Variants in DIP2C observed in about 807,000 individuals in gnomAD.
DIP2C encodes the protein disco-interacting protein 2 homolog C.
DIP2C carries 33 observed loss-of-function variants against 192.4 expected under a neutral mutation model. The ratio of observed to expected loss-of-function variants is 0.17; its 90% confidence interval spans 0.13 to 0.23. DIP2C has a LOEUF of 0.23. Ranked by LOEUF, DIP2C falls within the 10% of genes least tolerant of loss-of-function variation. The pLI, the probability that DIP2C is intolerant of heterozygous loss-of-function variation, is 1.00. For synonymous variants in DIP2C, 979 were observed against 864.1 expected, an observed-to-expected ratio of 1.13 and a Z score of -2.33; for missense variants, 1,537 against 2,110.1, an observed-to-expected ratio of 0.73 and a Z score of 5.32.
chr10:582,329 C>T (rs1405108645), intron 1 of DIP2C, among the ~76,000 whole-genome samples: 1 of 152,224 alleles, frequency 6.6e-6, no homozygotes, highest in South Asian at 2.1e-4. Flanking sequence ...GCACCCAACC[C>T]AAATACAGAG....
Position 525,454 on chromosome 10 carries a change from AAAC to A in DIP2C, c.86-38927_86-38925del, listed in dbSNP as rs376445557. ...AACACAGTACAGATACTAATTAGTA[AAAC>A]AACAGCAAAGTCTACGGCACTTCTC... On this transcript the variant is annotated intron_variant, in intron 1 of 36. Transcript: ENST00000280886. Among the ~76,000 whole-genome samples, 176 of 152,370 alleles carry A rather than the reference AAAC, an allele frequency of 1.2e-3. 1 individual carries two copies. The East Asian group carries it at 0.027, about 23-fold the overall frequency.
chr10:362,744 C>T (rs536138008), intron 21 of DIP2C, 53 bp from the exon 22 acceptor site: 58 of 1,531,526 alleles, frequency 3.8e-5, no homozygotes, highest in African/African-American at 4.1e-5. Context: ...ATAAACAGTA[C>T]GTATTTATAT....
At chr10:505,234 A>G (rs564137979) in intron 1 of DIP2C, among the ~76,000 whole-genome samples, 1 of 152,324 alleles carries the variant, frequency 6.6e-6, no homozygotes, top group East Asian at 1.9e-4. Flanking sequence ...TCATCAACAC[A>G]GAGTCACTAA....
intron 10 of DIP2C, among the ~76,000 whole-genome samples, chr10:391,982 C>G (rs1255634350): frequency 6.6e-6 from 1 of 152,196 alleles, no homozygotes; most frequent in East Asian, 1.9e-4. Flanking sequence ...GTGGAATTTT[C>G]ATGGAGCAAC....
At chr10:552,855 A>T (rs902427877) in intron 1 of DIP2C, among the ~76,000 whole-genome samples, 1 of 152,252 alleles carries the variant, frequency 6.6e-6, no homozygotes, top group African/African-American at 2.4e-5. Context: ...TCTCAAAAAA[A>T]AGTGACGAAC....
At position 457,332 on chromosome 10, in the gene DIP2C, TTAATA is replaced by T. The variant is rs369528195; in HGVS notation, c.268+15102_268+15106del. Among the ~76,000 whole-genome samples the T allele has an allele frequency of 7.4e-4, 113 of 152,342 alleles. No individual in the cohort carries two copies. The East Asian group carries it at 0.019, about 26-fold the overall frequency. ...TTCAGTTTCCAAGATGTCTTCTGAC[TTAATA>T]TAAAGATTTTAGTCTATAAATTCAA... On this transcript the variant is annotated intron_variant, in intron 3 of 36. Coordinates refer to ENST00000280886, the MANE Select transcript of DIP2C (RefSeq NM_014974.3).
chr10:384,242 G>T, intron 15 of DIP2C, 96 bp from the exon 16 acceptor site: 7 of 766,452 alleles, frequency 9.1e-6, no homozygotes, highest in South Asian at 1.6e-5. Context: ...GAAGGGTGAA[G>T]AATCACTGGT....
chr10:390,901 C>CA (rs1564651823), intron 10 of DIP2C, 38 bp from the exon 11 acceptor site: 3 of 1,608,050 alleles, frequency 1.9e-6, no homozygotes, highest in Non-Finnish European at 2.5e-6. Flanking sequence ...AATCCACGAC[C>CA]TGCCCCACTC....
chr10:409,239 A>T (rs1490796138), intron 8 of DIP2C, among the ~76,000 whole-genome samples: 1 of 151,980 alleles, frequency 6.6e-6, no homozygotes. Context: ...AAACTTCAGG[A>T]GAGAGAATGA....
intron 3 of DIP2C, among the ~76,000 whole-genome samples, chr10:454,085 A>G (rs561399920): frequency 1.3e-5 from 2 of 152,320 alleles, no homozygotes; most frequent in South Asian, 2.1e-4. Flanking sequence ...GAGGCAATAA[A>G]TTGATAGAGG....
chr10:352,403 T>C (rs1013021555), intron 24 of DIP2C, among the ~76,000 whole-genome samples: 2 of 152,236 alleles, frequency 1.3e-5, no homozygotes, highest in Admixed American at 6.5e-5. Context: ...TTGATGTCTT[T>C]CAGGGCTGAC....
At chr10:368,475 G>A (rs562738895) in intron 18 of DIP2C, among the ~76,000 whole-genome samples, 21 of 152,354 alleles carry the variant, frequency 1.4e-4, no homozygotes, top group South Asian at 4.1e-4. Flanking sequence ...GCAGAGCTGC[G>A]GGGATGCTGG....
intron 32 of DIP2C, among the ~76,000 whole-genome samples, chr10:304,450 T>G (rs1429383892): frequency 6.6e-6 from 1 of 152,164 alleles, no homozygotes; most frequent in Non-Finnish European, 1.5e-5. Context: ...GCTCTCAGTC[T>G]GCTAAGACCA....
chr10:423,522 G>GGT (rs998673197), intron 4 of DIP2C, among the ~76,000 whole-genome samples: 84 of 152,072 alleles, frequency 5.5e-4, no homozygotes, highest in African/African-American at 2.0e-3. Flanking sequence ...TTTCTATGTC[G>GGT]GTGTGTGTGT....
In DIP2C at chr10:663,004, G is replaced by A. The variant is rs1387909540; in HGVS notation, c.85+26490C>T. 3 of 709,838 alleles carry A rather than the reference G, an allele frequency of 4.2e-6. No homozygotes were observed. In the South Asian group the frequency reaches 4.5e-5, roughly 11 times the overall value. 44.0% of individuals were successfully genotyped at this position (709,838 alleles called of 1,614,324 possible). On this transcript the variant is annotated intron_variant, in intron 1 of 36. Coordinates refer to ENST00000280886, the MANE Select transcript of DIP2C (RefSeq NM_014974.3). ...GTTTTATCTGAACGTCACACAAAAG[G>A]GTTTCTATGTCCAGGAAAGACTCTA...
intron 1 of DIP2C, among the ~76,000 whole-genome samples, chr10:512,403 AAAAAAT>A (rs1305203956): frequency 3.9e-5 from 6 of 152,152 alleles, no homozygotes; most frequent in African/African-American, 1.2e-4. Flanking sequence ...TACTAAAAAT[AAAAAAT>A]AAAAATAAAA....
At position 689,602 on chromosome 10, in the gene DIP2C, A is replaced by C. The variant is rs1211610099; in HGVS notation, c.-24T>G. 1 of 1,128,682 alleles carries C rather than the reference A, an allele frequency of 8.9e-7. No homozygotes were observed. Among genetic ancestry groups the C allele is most frequent in the Non-Finnish European group, 1.1e-6 (1 of 920,302 alleles). The allele number at this position is 1,128,682 out of a possible 1,614,324, so 69.9% of individuals were successfully genotyped here. On this transcript the variant is annotated 5_prime_UTR_variant, in exon 1 of 37. Coordinates refer to ENST00000280886, the MANE Select transcript of DIP2C (RefSeq NM_014974.3). The surrounding 1 kb of genome is among the most constrained non-coding windows in gnomAD (Gnocchi z 6.1). ...ATGCTCCGCGGGCGCCGCGCCCCGC[A>C]CGGCCTCCTCTTTGTTCGCAGGCGG...
At chr10:434,208 T>C (rs1348276669) in intron 4 of DIP2C, among the ~76,000 whole-genome samples, 11 of 152,244 alleles carry the variant, frequency 7.2e-5, no homozygotes, top group Admixed American at 3.9e-4. Flanking sequence ...ACTGTCGCTA[T>C]TATGAATGAA....
chr10:509,203 C>T (rs1457111192), intron 1 of DIP2C, among the ~76,000 whole-genome samples: 1 of 152,170 alleles, frequency 6.6e-6, no homozygotes, highest in Admixed American at 6.5e-5. Context: ...CGCGTGGATA[C>T]TGATTCACCC....
Sources: gnomAD v4.1 joint callset for allele counts (sites outside exome capture counted in the v4.1 genomes callset) on GRCh38, gnomAD v4.1.1 for gene constraint, Gnocchi (gnomAD v3.1) non-coding constraint, MANE v1.5 for transcripts, NCBI Gene and HGNC (gene_info 2026-07-23, HGNC 2026-07-21) for gene names.